MBTPS1: variants seen among roughly 807,000 people sequenced by gnomAD.
MBTPS1 encodes the protein membrane-bound transcription factor site-1 protease.
MBTPS1 carries 94 observed loss-of-function variants against 127.8 expected under a neutral mutation model. The ratio of observed to expected loss-of-function variants is 0.74; its 90% CI spans 0.62 to 0.87. The LOEUF is 0.87. MBTPS1 is among the 40% of genes least tolerant of loss of function. MBTPS1 has a pLI of 0.00. For synonymous variants in MBTPS1, 632 were observed against 509.4 expected (o/e 1.24, Z -3.24); for missense variants, 1,636 against 1,353.2 (o/e 1.21, Z -3.28).
intron 8 of MBTPS1, among the ~76,000 whole-genome samples, chr16:84,088,049 C>A (rs940963487): frequency 6.6e-6 from 1 of 152,002 alleles, no homozygotes; most frequent in Non-Finnish European, 1.5e-5. Flanking sequence ...TAGAGTCTCT[C>A]CAATACCTTA....
intron 11 of MBTPS1, among the ~76,000 whole-genome samples, chr16:84,076,436 C>A (rs1217411857): frequency 6.6e-6 from 1 of 152,084 alleles, no homozygotes; most frequent in African/African-American, 2.4e-5. Flanking sequence ...CTAGATATAC[C>A]AGCCCATGCA....
At chr16:84,096,879 G>T (rs1462831353) in intron 3 of MBTPS1, among the ~76,000 whole-genome samples, 2 of 152,196 alleles carry the variant, frequency 1.3e-5, no homozygotes, top group African/African-American at 4.8e-5. Flanking sequence ...GGCCTGCTCT[G>T]CTTGACCCTG....
chr16:84,089,961 T>A (rs542664027), intron 8 of MBTPS1, among the ~76,000 whole-genome samples: 46 of 152,282 alleles, frequency 3.0e-4, no homozygotes, highest in African/African-American at 1.1e-3. Context: ...TTCATGCCAC[T>A]TACATCTATG....
In MBTPS1 at chr16:84,054,379, C is replaced by G. The variant is rs1337250519; in HGVS notation, c.*70G>C. On this transcript the variant is annotated 3_prime_UTR_variant, in exon 23 of 23. Coordinates refer to ENST00000343411, the MANE Select transcript of MBTPS1 (RefSeq NM_003791.4). ...ATCCCTTTTAAACCAGCCGCCACCA[C>G]AGCTCGGCTCACCCACCAGCGCCGT... is the stretch of plus-strand genomic sequence containing the variant. 1.4e-6 allele frequency: 2 copies of G among 1,403,250 alleles called. No homozygotes were observed. Among genetic ancestry groups the G allele is most frequent in the Admixed American group, 2.4e-5 (1 of 41,174 alleles). 86.9% of individuals were successfully genotyped at this position (1,403,250 alleles called of 1,614,324 possible).
chr16:84,064,871 A>C (rs1195908217), intron 18 of MBTPS1, among the ~76,000 whole-genome samples: 1 of 152,274 alleles, frequency 6.6e-6, no homozygotes, highest in African/African-American at 2.4e-5. Context: ...AGTTGCAAGT[A>C]GATAAGGTGA....
intron 8 of MBTPS1, among the ~76,000 whole-genome samples, chr16:84,090,145 T>C (rs1413335228): frequency 6.6e-6 from 1 of 152,038 alleles, no homozygotes; most frequent in South Asian, 2.1e-4. Context: ...TGCCCTGGAT[T>C]TGTGTAAAGC....
chr16:84,093,114 G>A (rs2151163633), intron 6 of MBTPS1, 74 bp downstream of exon 6: 9 of 976,140 alleles, frequency 9.2e-6, no homozygotes, highest in South Asian at 9.0e-5. Flanking sequence ...ACACAAGTGT[G>A]TACAGTCCAG....
At chr16:84,087,621 C>T (rs949104158) in intron 8 of MBTPS1, among the ~76,000 whole-genome samples, 161 bp from the exon 9 acceptor site, 1 of 152,142 alleles carries the variant, frequency 6.6e-6, no homozygotes, top group African/African-American at 2.4e-5. Context: ...CACGGCTGTC[C>T]TGTGAAACGC....
chr16:84,075,855 AAAAG>A (rs1173922348), intron 11 of MBTPS1, among the ~76,000 whole-genome samples: 2 of 152,240 alleles, frequency 1.3e-5, no homozygotes, highest in Admixed American at 6.5e-5. Flanking sequence ...CAAAAAAAGA[AAAAG>A]AAAAGGAAAT....
chr16:84,083,207 G>C (rs1417526852), intron 10 of MBTPS1, among the ~76,000 whole-genome samples: 1 of 152,176 alleles, frequency 6.6e-6, no homozygotes, highest in African/African-American at 2.4e-5. Flanking sequence ...AGCCCTAACT[G>C]AATTCTCTCC....
chr16:84,087,500 G>C, intron 8 of MBTPS1, 40 bp from the exon 9 acceptor site: 1 of 1,270,130 alleles, frequency 7.9e-7, no homozygotes, highest in African/African-American at 1.5e-5. Context: ...AAAAGAAAAA[G>C]AAAAAAACAA....
intron 5 of MBTPS1, 114 bp downstream of exon 5, chr16:84,093,597 G>A (rs1189846680): frequency 2.5e-6 from 2 of 798,944 alleles, no homozygotes; most frequent in East Asian, 5.3e-5. Context: ...ACAACAAAAA[G>A]CACAATAACA....
chr16:84,089,328 C>T (rs1460994688), intron 8 of MBTPS1, among the ~76,000 whole-genome samples: 1 of 152,258 alleles, frequency 6.6e-6, no homozygotes, highest in Non-Finnish European at 1.5e-5. Flanking sequence ...ACACATATAT[C>T]ACCCGCAGCT....
At chr16:84,103,182 C>A (rs549296039) in intron 1 of MBTPS1, among the ~76,000 whole-genome samples, 21 of 152,166 alleles carry the variant, frequency 1.4e-4, no homozygotes, top group Admixed American at 1.2e-3. Context: ...CGTAAATAAT[C>A]CAGCAGGGTA....
rs1207696119 is a variant in MBTPS1, at chr16:84,105,712, C to T, written c.-324-3605G>A. 2.1e-4 allele frequency among the ~76,000 whole-genome samples: 32 copies of T among 152,198 alleles called. 1 individual carries two copies. The highest frequency in any genetic ancestry group is 1.5e-5 in the Non-Finnish European group (1 of 67,996). ...AGGACCTCAAGCAGGTACACCCCAG[C>T]CAACAGCCGGAAATACGGACCTCTT... On this transcript the variant is annotated intron_variant, in intron 1 of 22. Transcript: ENST00000343411.
At chr16:84,088,325 C>G (rs972284927) in intron 8 of MBTPS1, among the ~76,000 whole-genome samples, 13 of 151,986 alleles carry the variant, frequency 8.6e-5, no homozygotes, top group African/African-American at 2.9e-4. Flanking sequence ...TGACAATTCC[C>G]AACACACCGA....
intron 16 of MBTPS1, among the ~76,000 whole-genome samples, chr16:84,066,912 G>T (rs997198525): frequency 2.0e-5 from 3 of 152,176 alleles, no homozygotes; most frequent in African/African-American, 7.2e-5. Context: ...AGGAGAAGGA[G>T]ATGAGAAAGA....
intron 11 of MBTPS1, 106 bp downstream of exon 11, chr16:84,081,641 C>G (rs2085940976): frequency 1.1e-6 from 1 of 914,122 alleles, no homozygotes; most frequent in Non-Finnish European, 1.5e-6. Context: ...GAATTCTGTG[C>G]TTAGTCATCA....
intron 11 of MBTPS1, among the ~76,000 whole-genome samples, chr16:84,081,171 A>G (rs1171809653): frequency 6.6e-6 from 1 of 152,228 alleles, no homozygotes; most frequent in Non-Finnish European, 1.5e-5. Flanking sequence ...AAGGTGAGGG[A>G]AAGCTGGGTG....
Sources: gnomAD v4.1 joint callset for allele counts (sites outside exome capture counted in the v4.1 genomes callset) on GRCh38, gnomAD v4.1.1 for gene constraint, MANE v1.5 for transcripts, NCBI Gene and HGNC (gene_info 2026-07-23, HGNC 2026-07-21) for gene names.